Variants in ADAMTS9 observed in about 807,000 individuals in gnomAD.
The protein encoded by ADAMTS9 is ADAM metallopeptidase with thrombospondin type 1 motif 9.
ADAMTS9 carries 107 observed loss-of-function variants against 257.1 expected under a neutral mutation model. The observed-to-expected ratio is 0.42, with a 90% CI of 0.36 to 0.49. ADAMTS9 has a LOEUF of 0.49. Ranked by LOEUF, ADAMTS9 falls within the 20% of genes least tolerant of loss-of-function variation. The pLI, the probability that ADAMTS9 is intolerant of heterozygous loss-of-function variation, is 0.03. For missense variants in ADAMTS9, 2,353 were observed against 2,469.1 expected, an observed-to-expected ratio of 0.95 and a Z score of 1.00; for synonymous variants, 982 against 880.9, an observed-to-expected ratio of 1.11 and a Z score of -2.03.
chr3:64,609,367 A>C (rs1286485359), intron 22 of ADAMTS9, among the ~76,000 whole-genome samples: 1 of 152,162 alleles, frequency 6.6e-6, no homozygotes, highest in Admixed American at 6.5e-5. Context: ...ATGTCATCAT[A>C]CTATACATTG....
chr3:64,658,245 G>C (rs1265884677), intron 4 of ADAMTS9, among the ~76,000 whole-genome samples: 3 of 152,214 alleles, frequency 2.0e-5, no homozygotes, highest in Non-Finnish European at 4.4e-5. Flanking sequence ...TCACCTGGCA[G>C]CGTTGCCAGA....
intron 24 of ADAMTS9, 40 bp from the exon 25 acceptor site, chr3:64,604,129 A>G (rs768573096): frequency 9.9e-6 from 16 of 1,610,964 alleles, no homozygotes; most frequent in Non-Finnish European, 5.1e-6. Context: ...TATTACGTGG[A>G]ATGGCTGCTT....
intron 28 of ADAMTS9, chr3:64,568,794 T>G (rs901912080): frequency 2.7e-6 from 1 of 368,970 alleles, no homozygotes; most frequent in Non-Finnish European, 4.8e-6. Context: ...TCCTGAGAAT[T>G]GGAGCCAAAA....
rs7617295 is a variant in ADAMTS9, at chr3:64,606,902, G to C, written c.3474+58C>G. ...GATTTCAATTTTGTCTAAACAGCTG[G>C]GCAGTTTGGTACCTTGGTCCCCAAA... On this transcript the variant is annotated intron_variant, in intron 23 of 39. Coordinates refer to ENST00000498707, the MANE Select transcript of ADAMTS9 (RefSeq NM_182920.2). 6.2e-6 allele frequency: 10 copies of C among 1,602,044 alleles called. No individual in the cohort carries two copies. The African/African-American group carries it at 1.3e-4, about 21-fold the overall frequency.
At chr3:64,566,642 T>C (rs960249120) in intron 29 of ADAMTS9, among the ~76,000 whole-genome samples, 1 of 152,200 alleles carries the variant, frequency 6.6e-6, no homozygotes, top group Non-Finnish European at 1.5e-5. Context: ...GAGCAAAAGA[T>C]TCTTTTAATT....
chr3:64,615,923 G>C lies in ADAMTS9; in HGVS notation c.3024+37C>G, dbSNP rs896365900. 5 of 1,609,416 alleles carry C rather than the reference G, an allele frequency of 3.1e-6. No homozygotes were observed. In the East Asian group the frequency reaches 1.1e-4, roughly 36 times the overall value. On this transcript the variant is annotated intron_variant, in intron 20 of 39. Coordinates refer to ENST00000498707, the MANE Select transcript of ADAMTS9 (RefSeq NM_182920.2). ...GGAGCCACCATCAACTAATCAGACA[G>C]CATCCAAGAAGACTCTTTGAGTGAG...
intron 3 of ADAMTS9, among the ~76,000 whole-genome samples, chr3:64,676,110 A>G (rs889266638): frequency 3.3e-5 from 5 of 152,182 alleles, no homozygotes; most frequent in Admixed American, 2.0e-4. Context: ...GAGAGATTCA[A>G]CTTTAACCAG....
intron 2 of ADAMTS9, among the ~76,000 whole-genome samples, chr3:64,682,895 T>C (rs1321916656): frequency 1.3e-5 from 2 of 152,208 alleles, no homozygotes. Context: ...GAAGGTTTTT[T>C]GTTTTTGTTT....
At chr3:64,639,830 A>T (rs1172843141) in intron 12 of ADAMTS9, among the ~76,000 whole-genome samples, 1 of 152,176 alleles carries the variant, frequency 6.6e-6, no homozygotes, top group Non-Finnish European at 1.5e-5. Context: ...AAGCAGTACC[A>T]GCCTTCTTTT....
At chr3:64,595,994 C>T (rs1311794775) in intron 27 of ADAMTS9, among the ~76,000 whole-genome samples, 2 of 152,120 alleles carry the variant, frequency 1.3e-5, no homozygotes, top group African/African-American at 2.4e-5. Flanking sequence ...AGGGCTCAAA[C>T]CCCCACTTAG....
At chr3:64,662,202 A>G (rs1356961263) in intron 3 of ADAMTS9, among the ~76,000 whole-genome samples, 5 of 151,954 alleles carry the variant, frequency 3.3e-5, no homozygotes, top group Non-Finnish European at 7.4e-5. Flanking sequence ...TAATTTCCAC[A>G]TACTTTTGAG....
chr3:64,591,455 C>G (rs1334717444), intron 28 of ADAMTS9, among the ~76,000 whole-genome samples: 1 of 151,050 alleles, frequency 6.6e-6, no homozygotes, highest in Admixed American at 6.6e-5. Context: ...AAAAAAGGAA[C>G]CTTATTTCAA....
chr3:64,602,480 T>C (rs1292939176), intron 25 of ADAMTS9, among the ~76,000 whole-genome samples: 1 of 152,184 alleles, frequency 6.6e-6, no homozygotes. Flanking sequence ...CCAACTCATT[T>C]GAATAATACC....
chr3:64,687,442 A>C lies in ADAMTS9; in HGVS notation c.115+101T>G, dbSNP rs901254255. On this transcript the variant is annotated intron_variant, in intron 1 of 39. Transcript: ENST00000498707. This position sits in a 1 kb window ranked among gnomAD's most constrained non-coding sequence, Gnocchi z 4.4. ...AAAGCGGGAGATAATTCTTTCTAGG[A>C]AAAGGAGAGAAGCCTCCGCTGCGGG... is the stretch of plus-strand genomic sequence containing the variant. The C allele has an allele frequency of 6.3e-6, 6 of 959,232 alleles. No individual in the cohort carries two copies. The South Asian group carries it at 7.3e-5, about 12-fold the overall frequency. The allele number at this position is 959,232 out of a possible 1,614,324, so 59.4% of individuals were successfully genotyped here.
intron 12 of ADAMTS9, among the ~76,000 whole-genome samples, chr3:64,638,616 C>A (rs914691217): frequency 5.3e-4 from 80 of 152,090 alleles, no homozygotes; most frequent in African/African-American, 1.8e-3. Flanking sequence ...AAATAAAGCA[C>A]TTAAAGACAA....
At chr3:64,566,242 A>T (rs1208931167) in intron 29 of ADAMTS9, among the ~76,000 whole-genome samples, 1 of 152,208 alleles carries the variant, frequency 6.6e-6, no homozygotes, top group Non-Finnish European at 1.5e-5. Flanking sequence ...TTAATCATGC[A>T]GACCGTCTTT....
At chr3:64,562,969 T>C (rs1045779963) in intron 29 of ADAMTS9, 5 of 152,216 alleles carry the variant, frequency 3.3e-5, no homozygotes, top group African/African-American at 1.2e-4. Flanking sequence ...GATAAATCTA[T>C]GCCAGAGAGG....
chr3:64,595,557 C>G (rs1461499889), intron 27 of ADAMTS9, among the ~76,000 whole-genome samples: 1 of 152,198 alleles, frequency 6.6e-6, no homozygotes, highest in Non-Finnish European at 1.5e-5. Flanking sequence ...CCCCACAGGA[C>G]AGAACTTTGC....
chr3:64,650,985 A>C (rs763912190), intron 9 of ADAMTS9, 32 bp downstream of exon 9: 1 of 1,580,088 alleles, frequency 6.3e-7, no homozygotes, highest in South Asian at 1.2e-5. Context: ...CAGGCACTAG[A>C]AGTTTGTGCT....
Sources: allele counts gnomAD v4.1 joint callset (sites outside exome capture counted in the v4.1 genomes callset), GRCh38; gene constraint gnomAD v4.1.1; non-coding constraint Gnocchi (gnomAD v3.1); transcripts MANE v1.5; gene names NCBI Gene and HGNC (gene_info 2026-07-23, HGNC 2026-07-21).